ZBTB7C: variants seen among roughly 807,000 people sequenced by gnomAD.
ZBTB7C encodes the protein zinc finger and BTB domain containing 7C.
ZBTB7C carries 8 observed loss-of-function variants against 25.7 expected under a neutral mutation model. That is an observed-to-expected ratio of 0.31 (90% confidence interval 0.18 to 0.56). The LOEUF (loss-of-function observed/expected upper bound fraction) is 0.56, where lower values mean the gene tolerates loss of function less well. ZBTB7C is among the 20% of genes least tolerant of loss of function. The probability of loss-of-function intolerance (pLI) is 0.91; values close to 1 mark genes in which losing one functional copy is unlikely to be tolerated. For missense variants in ZBTB7C, 824 were observed against 855.2 expected (o/e 0.96, Z 0.46); for synonymous variants, 394 against 369.0 (o/e 1.07, Z -0.78).
chr18:48,199,136 T>C (rs2042379973), intron 2 of ZBTB7C, among the ~76,000 whole-genome samples: 2 of 152,222 alleles, frequency 1.3e-5, no homozygotes, highest in African/African-American at 4.8e-5. Context: ...ACGTCCTTTT[T>C]TTCTCTCTGA....
rs563027327 is a variant in ZBTB7C at position 48,026,692 on chromosome 18, T to G, written c.*2568A>C. 1.3e-5 allele frequency: 2 copies of G among 152,196 alleles called. No homozygotes were observed. The highest frequency in any genetic ancestry group is 4.2e-4 in the South Asian group (2 of 4,816). The allele number at this position is 152,196 out of a possible 1,614,324, so 9.4% of individuals were successfully genotyped here. A position where few individuals can be genotyped will look rare whatever the true frequency, so the allele number is the denominator to read the frequency against. On this transcript the variant is annotated 3_prime_UTR_variant, in exon 5 of 5. Coordinates refer to ENST00000590800, the MANE Select transcript of ZBTB7C (RefSeq NM_001318841.2). ...GGTCATTAAGCAAGCATAGCTCACT[T>G]TTACTCAAAACACTGTCCTTTAAAG... is the stretch of plus-strand genomic sequence containing the variant.
intron 3 of ZBTB7C, among the ~76,000 whole-genome samples, chr18:48,047,826 T>C (rs2036533210): frequency 6.6e-6 from 1 of 152,190 alleles, no homozygotes; most frequent in African/African-American, 2.4e-5. Flanking sequence ...CCTCTAATCC[T>C]TTCTCAAGCA....
At chr18:48,155,249 G>A (rs1006749420) in intron 3 of ZBTB7C, among the ~76,000 whole-genome samples, 4 of 151,426 alleles carry the variant, frequency 2.6e-5, no homozygotes, top group Admixed American at 6.6e-5. Flanking sequence ...TTTTTCTCTC[G>A]GGTGCTTGGC....
chr18:48,122,232 C>A (rs1386420398), intron 3 of ZBTB7C, among the ~76,000 whole-genome samples: 1 of 152,176 alleles, frequency 6.6e-6, no homozygotes, highest in Admixed American at 6.5e-5. Flanking sequence ...GGCCTCAGAA[C>A]CCAGTCCATG....
At chr18:48,361,797 C>T (rs1234933428) in intron 1 of ZBTB7C, among the ~76,000 whole-genome samples, 2 of 152,136 alleles carry the variant, frequency 1.3e-5, no homozygotes, top group Non-Finnish European at 2.9e-5. Flanking sequence ...ACTCAGAAGC[C>T]CGAGGTGGAG....
At chr18:48,186,670 GT>G (rs1313781774) in intron 2 of ZBTB7C, among the ~76,000 whole-genome samples, 2 of 152,166 alleles carry the variant, frequency 1.3e-5, no homozygotes, top group Admixed American at 6.5e-5. Context: ...ACTGTAAAGT[GT>G]TGCAATGTGA....
chr18:48,312,880 T>A (rs1234064475), intron 2 of ZBTB7C, among the ~76,000 whole-genome samples: 5 of 152,244 alleles, frequency 3.3e-5, no homozygotes, highest in Admixed American at 3.3e-4. Context: ...GGACAAGCTC[T>A]TCCACGATGC....
At chr18:48,171,995 A>C (rs2041498760) in intron 3 of ZBTB7C, among the ~76,000 whole-genome samples, 1 of 152,228 alleles carries the variant, frequency 6.6e-6, no homozygotes, top group African/African-American at 2.4e-5. Flanking sequence ...TCGAATAAGA[A>C]GTAGCTCCAG....
At chr18:48,207,276 G>A (rs2042596721) in intron 2 of ZBTB7C, among the ~76,000 whole-genome samples, 1 of 152,124 alleles carries the variant, frequency 6.6e-6, no homozygotes, top group Admixed American at 6.5e-5. Flanking sequence ...AGCTAAACAT[G>A]CATATACCAT....
chr18:48,296,250 G>C (rs866115213), intron 2 of ZBTB7C, among the ~76,000 whole-genome samples: 27 of 152,140 alleles, frequency 1.8e-4, no homozygotes, highest in Admixed American at 1.4e-3. Flanking sequence ...GATGGGGAGG[G>C]GGCATCCCAT....
At chr18:48,227,661 C>T (rs1005019422) in intron 2 of ZBTB7C, among the ~76,000 whole-genome samples, 2 of 152,218 alleles carry the variant, frequency 1.3e-5, no homozygotes, top group Non-Finnish European at 2.9e-5. Context: ...CTAATTCTTT[C>T]AGGTCCTAAA....
intron 2 of ZBTB7C, among the ~76,000 whole-genome samples, chr18:48,188,186 C>A (rs1255740876): frequency 6.6e-6 from 1 of 152,066 alleles, no homozygotes; most frequent in Non-Finnish European, 1.5e-5. Flanking sequence ...TGTGACTGGG[C>A]CAGGGAGCCT....
chr18:48,299,685 G>A (rs73955688), intron 2 of ZBTB7C, among the ~76,000 whole-genome samples: 2,500 of 152,318 alleles, frequency 0.016, 65 homozygotes, highest in African/African-American at 0.056. Context: ...AACAGCCAGG[G>A]GAAAGGGAGG....
intron 3 of ZBTB7C, among the ~76,000 whole-genome samples, chr18:48,152,926 C>A (rs1413479457): frequency 6.6e-6 from 1 of 152,164 alleles, no homozygotes; most frequent in African/African-American, 2.4e-5. Flanking sequence ...AAATGCAGGC[C>A]CAGGGATGTT....
chr18:48,131,281 A>T (rs1280334198), intron 3 of ZBTB7C, among the ~76,000 whole-genome samples: 1 of 152,234 alleles, frequency 6.6e-6, no homozygotes, highest in East Asian at 1.9e-4. Flanking sequence ...GCACCATTTG[A>T]TGGTGAAGAG....
At chr18:48,081,766 G>A (rs2037994836) in intron 3 of ZBTB7C, among the ~76,000 whole-genome samples, 1 of 152,034 alleles carries the variant, frequency 6.6e-6, no homozygotes, top group Non-Finnish European at 1.5e-5. Context: ...TGTGTGACCT[G>A]GAAGCCATTA....
intron 2 of ZBTB7C, among the ~76,000 whole-genome samples, chr18:48,202,820 C>T (rs1228715558): frequency 6.6e-6 from 1 of 152,084 alleles, no homozygotes; most frequent in Admixed American, 6.5e-5. Flanking sequence ...TAAAGAGTGT[C>T]CATGTAGCCA....
chr18:48,296,962 G>A (rs1255866595), intron 2 of ZBTB7C, among the ~76,000 whole-genome samples: 1 of 152,188 alleles, frequency 6.6e-6, no homozygotes, highest in Non-Finnish European at 1.5e-5. Flanking sequence ...AATTAGCCGG[G>A]TATGGTGACA....
chr18:48,397,837 T>C lies in ZBTB7C; in HGVS notation c.-304+11389A>G, dbSNP rs117055573. On this transcript the variant is annotated intron_variant, in intron 1 of 4. Coordinates refer to ENST00000590800, the MANE Select transcript of ZBTB7C (RefSeq NM_001318841.2). ...CATCTTTGAAGGCAAGACCACGTCT[T>C]GGGCTTCTCCTGATCCCCTGCAGAA... Among the ~76,000 whole-genome samples the C allele has an allele frequency of 1.8e-4, 27 of 152,352 alleles. No individual in the cohort carries two copies. The East Asian group carries it at 4.8e-3, about 27-fold the overall frequency.
Sources: gnomAD v4.1 joint callset for allele counts (sites outside exome capture counted in the v4.1 genomes callset) on GRCh38, gnomAD v4.1.1 for gene constraint, MANE v1.5 for transcripts, NCBI Gene and HGNC (gene_info 2026-07-23, HGNC 2026-07-21) for gene names.